The following DLG1 variants were observed in gnomAD, a reference collection of about 807,000 sequenced individuals.
DLG1 encodes the protein disks large homolog 1.
Under a neutral mutation model 123.4 loss-of-function variants are expected in DLG1, and 42 were observed. The observed-to-expected ratio is 0.34, with a 90% CI of 0.27 to 0.44. DLG1 has a LOEUF of 0.44. DLG1 is among the 20% of genes least tolerant of loss of function. DLG1 has a pLI of 1.00. For missense variants in DLG1, 942 were observed against 1,082.6 expected, an observed-to-expected ratio of 0.87 and a Z score of 1.82; for synonymous variants, 317 against 356.2, an observed-to-expected ratio of 0.89 and a Z score of 1.24.
intron 14 of DLG1, among the ~76,000 whole-genome samples, chr3:197,101,069 T>C (rs887458581): frequency 2.6e-5 from 4 of 152,232 alleles, no homozygotes; most frequent in Non-Finnish European, 4.4e-5. Flanking sequence ...CTTGCATCCA[T>C]ATACAAGAAA....
intron 11 of DLG1, among the ~76,000 whole-genome samples, chr3:197,126,970 A>G (rs1779435299): frequency 6.6e-6 from 1 of 152,196 alleles, no homozygotes; most frequent in Non-Finnish European, 1.5e-5. Flanking sequence ...GGAGCACTCA[A>G]AAGCAGGTTA....
chr3:197,157,279 C>CTAAA (rs1376551483), intron 5 of DLG1, among the ~76,000 whole-genome samples: 5 of 152,162 alleles, frequency 3.3e-5, no homozygotes, highest in African/African-American at 1.2e-4. Context: ...GTAAAACACC[C>CTAAA]TAAAGATTCT....
rs765431066 is a variant in DLG1 at position 197,065,840 on chromosome 3, T to A, written c.2099-31A>T. 8.6e-6 allele frequency: 11 copies of A among 1,281,602 alleles called. No individual in the cohort carries two copies. The African/African-American group carries it at 1.5e-4, about 17-fold the overall frequency. 79.4% of individuals were successfully genotyped at this position (1,281,602 alleles called of 1,614,324 possible). ...AAGATAAACTGCATGTTAAAAGGAA[T>A]AAACATTCAACAAATATCAATGTAT... On this transcript the variant is annotated intron_variant, in intron 20 of 24. Transcript: ENST00000667157.
At chr3:197,102,407 A>T (rs1763972974) in intron 14 of DLG1, among the ~76,000 whole-genome samples, 1 of 152,238 alleles carries the variant, frequency 6.6e-6, no homozygotes, top group African/African-American at 2.4e-5. Flanking sequence ...CCTTTAGGAA[A>T]GATACTAACT....
intron 4 of DLG1, among the ~76,000 whole-genome samples, chr3:197,280,359 G>A (rs1329675898): frequency 6.6e-6 from 1 of 151,854 alleles, no homozygotes; most frequent in African/African-American, 2.4e-5. Flanking sequence ...GTGTGTGTGT[G>A]TGTGTGTGTA....
intron 4 of DLG1, among the ~76,000 whole-genome samples, chr3:197,241,862 C>G (rs1749064565): frequency 6.6e-6 from 1 of 151,996 alleles, no homozygotes; most frequent in South Asian, 2.1e-4. Context: ...TAAAAAGCAA[C>G]ACATTAAAAC....
intron 18 of DLG1, among the ~76,000 whole-genome samples, chr3:197,074,665 A>C (rs1746098184): frequency 1.3e-5 from 2 of 152,060 alleles, no homozygotes. Context: ...GTCACTAGTG[A>C]TAGGAAATCT....
At chr3:197,154,471 C>T (rs745612025) in intron 5 of DLG1, among the ~76,000 whole-genome samples, 8 of 151,654 alleles carry the variant, frequency 5.3e-5, no homozygotes, top group African/African-American at 9.7e-5. Context: ...GTCAGGAGAT[C>T]GAGACCATCC....
At chr3:197,296,919 A>C in intron 2 of DLG1, 1 of 477,708 alleles carries the variant, frequency 2.1e-6, no homozygotes, top group Non-Finnish European at 3.7e-6. Context: ...GTGAAATACT[A>C]AAACACCAAT....
At chr3:197,124,114 C>G (rs1160931647) in intron 11 of DLG1, among the ~76,000 whole-genome samples, 2 of 152,106 alleles carry the variant, frequency 1.3e-5, no homozygotes, top group South Asian at 2.1e-4. Context: ...GCATGCTATC[C>G]TAGACACTTG....
At chr3:197,260,165 C>A in intron 4 of DLG1, 1 of 304,424 alleles carries the variant, frequency 3.3e-6, no homozygotes, top group Admixed American at 4.4e-5. Context: ...AAATCTATAA[C>A]AATGGTTACA....
At chr3:197,122,773 T>C (rs1380237157) in intron 11 of DLG1, among the ~76,000 whole-genome samples, 1 of 152,070 alleles carries the variant, frequency 6.6e-6, no homozygotes. Flanking sequence ...AGGACTTCAA[T>C]AAAAGAAGAG....
At chr3:197,181,590 T>C (rs1386951860) in intron 5 of DLG1, among the ~76,000 whole-genome samples, 2 of 152,184 alleles carry the variant, frequency 1.3e-5, no homozygotes, top group Admixed American at 1.3e-4. Context: ...AGTCCCATTA[T>C]ATTTTAACTT....
intron 4 of DLG1, among the ~76,000 whole-genome samples, chr3:197,234,072 CATCTT>C (rs1435533228): frequency 2.0e-5 from 3 of 152,232 alleles, no homozygotes; most frequent in Admixed American, 2.0e-4. Context: ...CAATGAGTCT[CATCTT>C]ATGTCCTACT....
intron 4 of DLG1, among the ~76,000 whole-genome samples, chr3:197,279,488 C>T (rs1362565975): frequency 5.9e-5 from 9 of 152,168 alleles, no homozygotes; most frequent in Admixed American, 5.2e-4. Flanking sequence ...GAACAGATTT[C>T]AAACATTACT....
At chr3:197,097,862 G>A (rs912365554) in intron 14 of DLG1, among the ~76,000 whole-genome samples, 6 of 151,912 alleles carry the variant, frequency 3.9e-5, no homozygotes, top group Admixed American at 6.6e-5. Context: ...TTATAGGCGT[G>A]AGCCACCGCG....
chr3:197,104,508 T>A (rs1290859104), intron 14 of DLG1, among the ~76,000 whole-genome samples: 2 of 151,664 alleles, frequency 1.3e-5, no homozygotes, highest in Non-Finnish European at 2.9e-5. Context: ...ATGGAGAAAC[T>A]CTATCTCTAC....
chr3:197,060,095 T>C, intron 22 of DLG1, 97 bp from the exon 23 acceptor site: 1 of 735,224 alleles, frequency 1.4e-6, no homozygotes, highest in Non-Finnish European at 2.2e-6. Context: ...TAAATCATGA[T>C]CTGTTTCGAT....
At position 197,284,553 on chromosome 3, in the gene DLG1, A is replaced by AGACT. The variant is rs142960943; in HGVS notation, c.152-1712_152-1709dup. ...ATGGGAGCACAGAGGGGTAGTCAAG[A>AGACT]GACTGCCAATAGCTACAAGTGATTC... is the stretch of plus-strand genomic sequence containing the variant. On this transcript the variant is annotated intron_variant, in intron 3 of 24. Coordinates refer to ENST00000667157, the MANE Select transcript of DLG1 (RefSeq NM_001366207.1). 1.3e-3 allele frequency among the ~76,000 whole-genome samples: 203 copies of AGACT among 152,310 alleles called. 2 individuals carry two copies. Among genetic ancestry groups the AGACT allele is most frequent in the African/African-American group, 4.7e-3 (196 of 41,556 alleles).
Sources: gnomAD v4.1 joint callset for allele counts (sites outside exome capture counted in the v4.1 genomes callset) on GRCh38, gnomAD v4.1.1 for gene constraint, MANE v1.5 for transcripts, NCBI Gene and HGNC (gene_info 2026-07-23, HGNC 2026-07-21) for gene names.